The following ZEB2 variants were observed in gnomAD, a reference collection of about 807,000 sequenced individuals.
The protein encoded by ZEB2 is zinc finger E-box binding homeobox 2.
ZEB2 carries 6 observed loss-of-function variants against 99.9 expected under a neutral mutation model. That is an observed-to-expected ratio of 0.06 (90% CI 0.03 to 0.12). ZEB2 has a LOEUF of 0.12. Ranked by LOEUF, ZEB2 falls within the 10% of genes least tolerant of loss-of-function variation. The pLI, the probability that ZEB2 is intolerant of heterozygous loss-of-function variation, is 1.00. For synonymous variants in ZEB2, 517 were observed against 542.5 expected (o/e 0.95, Z 0.65); for missense variants, 969 against 1,502.8 (o/e 0.64, Z 5.87).
chr2:144,398,854 G>A lies in ZEB2; in HGVS notation c.2333C>T (p.Ser778Phe). The change falls in exon 8 of 10, where the codon TCC becomes TTC. Residue 778 changes from serine (S) to phenylalanine (F), a missense_variant. Ser to Phe is a radical substitution (Grantham distance 155). Around this residue, in one of 8 missense-constraint regions of ZEB2, gnomAD observed 346 missense variants for 460.0 expected, o/e 0.75. Transcript: ENST00000627532. ...TAAGGGAGAAGGAGTATTACTCCTG[G>A]AGTGGTCCAATTTTTCAACTGGTTT... is the stretch of plus-strand genomic sequence containing the variant. ...NIKPVEKLDHSRSNTPSPLNL... is the reference protein window; with the variant it reads ...NIKPVEKLDHFRSNTPSPLNL... 1 of 1,614,166 alleles carries A rather than the reference G, an allele frequency of 6.2e-7. No homozygotes were observed.
At chr2:144,406,443 C>T (rs564354179) in intron 4 of ZEB2, among the ~76,000 whole-genome samples, 2 of 152,222 alleles carry the variant, frequency 1.3e-5, no homozygotes, top group East Asian at 3.9e-4. Flanking sequence ...AAAAGTAACA[C>T]AGGAACCTGA....
rs755233964 is a variant in ZEB2 at position 144,398,887 on chromosome 2, G to A, written c.2300C>T (p.Thr767Ile). ...PLRLTKPSHFTNIKPVEKLDH... is the reference protein window; with the variant it reads ...PLRLTKPSHFINIKPVEKLDH... ...CAATTTTTCAACTGGTTTAATATTG[G>A]TAAAATGGGAAGGTTTTGTTAGCCT... Residue 767 changes from threonine (T) to isoleucine (I), a missense_variant, in exon 8 of 10, where the codon ACC (threonine) becomes ATC (isoleucine). Thr to Ile is a moderately conservative substitution (Grantham distance 89). Around this residue, in one of 8 missense-constraint regions of ZEB2, gnomAD observed 346 missense variants for 460.0 expected, o/e 0.75. Coordinates refer to ENST00000627532, the MANE Select transcript of ZEB2 (RefSeq NM_014795.4). 7.5e-5 allele frequency: 121 copies of A among 1,614,038 alleles called. No homozygotes were observed. The highest frequency in any genetic ancestry group is 1.0e-4 in the Non-Finnish European group (120 of 1,180,032).
chr2:144,462,899 A>G (rs929036354), intron 2 of ZEB2: 2 of 152,196 alleles, frequency 1.3e-5, no homozygotes, highest in African/African-American at 4.8e-5. Context: ...GCCTGCCAGG[A>G]CCAAGATCAG....
intron 2 of ZEB2, among the ~76,000 whole-genome samples, chr2:144,490,710 G>A (rs1704665487): frequency 6.6e-6 from 1 of 152,076 alleles, no homozygotes; most frequent in East Asian, 1.9e-4. Flanking sequence ...GCTATGGAAA[G>A]GAAAAAATGA....
rs184073552 is a variant in ZEB2, at chr2:144,457,196, C to T, written c.74-27170G>A. ...ATACCTGGATTTATGCATTAATCCACTGACAGCAGAGCCCGTTAATAGACA... is the reference window on the plus strand; with the variant it reads ...ATACCTGGATTTATGCATTAATCCATTGACAGCAGAGCCCGTTAATAGACA... On this transcript the variant is annotated intron_variant, in intron 2 of 9. Transcript: ENST00000627532. Among the ~76,000 whole-genome samples the T allele has an allele frequency of 6.6e-5, 10 of 152,256 alleles. No individual in the cohort carries two copies. The East Asian group carries it at 1.4e-3, about 21-fold the overall frequency.
intron 2 of ZEB2, among the ~76,000 whole-genome samples, chr2:144,472,554 A>T (rs12624246): frequency 6.6e-6 from 1 of 152,092 alleles, no homozygotes; most frequent in East Asian, 1.9e-4. Flanking sequence ...CTTATTACTC[A>T]TCACAACAAT....
intron 2 of ZEB2, among the ~76,000 whole-genome samples, chr2:144,515,270 A>C (rs1312772694): frequency 6.6e-6 from 1 of 152,214 alleles, no homozygotes; most frequent in Non-Finnish European, 1.5e-5. Context: ...TTTGTTATCC[A>C]GTTGATCAGC....
chr2:144,421,171 C>T (rs991774400), intron 4 of ZEB2, among the ~76,000 whole-genome samples: 1 of 152,136 alleles, frequency 6.6e-6, no homozygotes, highest in Non-Finnish European at 1.5e-5. Flanking sequence ...CCCATTCACT[C>T]GCTCATTTCT....
At chr2:144,401,651 A>G (rs1703312242) in intron 6 of ZEB2, among the ~76,000 whole-genome samples, 1 of 152,244 alleles carries the variant, frequency 6.6e-6, no homozygotes, top group African/African-American at 2.4e-5. Flanking sequence ...AAATATGAAC[A>G]TTCTCTGCTA....
At chr2:144,518,111 TTTAC>T (rs1705195128) in intron 1 of ZEB2, 1 of 131,208 alleles carries the variant, frequency 7.6e-6, no homozygotes, top group Non-Finnish European at 1.5e-5. Context: ...TTTGACAATA[TTTAC>T]TTAAGTATTT....
chr2:144,441,164 C>CGAGAGA (rs113731061), intron 2 of ZEB2, among the ~76,000 whole-genome samples: 9,098 of 88,816 alleles, frequency 0.1, 868 homozygotes, highest in East Asian at 0.16. Flanking sequence ...TTTAGCTGCA[C>CGAGAGA]GAGAGAGAGA....
intron 2 of ZEB2, chr2:144,504,288 G>T (rs1704922495): frequency 1.3e-5 from 2 of 152,232 alleles, no homozygotes; most frequent in South Asian, 4.2e-4. Context: ...GAGCCCTAGT[G>T]GTAAGAATTA....
Position 144,389,113 on chromosome 2 carries a change from G to A in ZEB2, c.*338C>T. ...AATGTATTAATATAAATTAGACATAGTTTTTTAAAGTTTGTAGTGATACAT... is the reference window on the plus strand; with the variant it reads ...AATGTATTAATATAAATTAGACATAATTTTTTAAAGTTTGTAGTGATACAT... On this transcript the variant is annotated 3_prime_UTR_variant, in exon 10 of 10. Transcript: ENST00000627532. The surrounding 1 kb of genome is among the most constrained non-coding windows in gnomAD (Gnocchi z 6.8). The A allele has an allele frequency of 1.8e-6, 1 of 545,430 alleles. No homozygotes were observed. The highest frequency in any genetic ancestry group is 3.2e-6 in the Non-Finnish European group (1 of 312,298). The allele number at this position is 545,430 out of a possible 1,614,324, so 33.8% of individuals were successfully genotyped here.
At chr2:144,500,208 A>G (rs1445020887) in intron 2 of ZEB2, among the ~76,000 whole-genome samples, 1 of 152,112 alleles carries the variant, frequency 6.6e-6, no homozygotes. Flanking sequence ...ATTCTGTACC[A>G]CCTGTTTTGG....
intron 2 of ZEB2, among the ~76,000 whole-genome samples, chr2:144,440,515 ATTTTTTTTTTTTTTTTTTTTT>A (rs201944188): frequency 9.4e-4 from 31 of 32,832 alleles, no homozygotes; most frequent in South Asian, 3.6e-3. Flanking sequence ...ATATATATAT[ATTTTTTTTTTTTTTTTTTTTT>A]TTTTTTAACT....
chr2:144,410,645 G>A (rs905448495), intron 4 of ZEB2, among the ~76,000 whole-genome samples: 2 of 151,970 alleles, frequency 1.3e-5, no homozygotes, highest in African/African-American at 4.8e-5. Context: ...ATCATTTTCT[G>A]TTTCCCTTTG....
intron 6 of ZEB2, among the ~76,000 whole-genome samples, chr2:144,402,528 A>G (rs1381318840): frequency 6.6e-6 from 1 of 152,210 alleles, no homozygotes; most frequent in Non-Finnish European, 1.5e-5. Context: ...CCCTCAGAGG[A>G]CTACTATAAA....
intron 4 of ZEB2, among the ~76,000 whole-genome samples, chr2:144,406,182 T>C (rs1020805288): frequency 6.6e-6 from 1 of 152,188 alleles, no homozygotes; most frequent in Admixed American, 6.5e-5. Context: ...TTTTTTTGCT[T>C]TCATGATTAT....
At chr2:144,501,430 T>A (rs752366732) in intron 2 of ZEB2, among the ~76,000 whole-genome samples, 1 of 152,228 alleles carries the variant, frequency 6.6e-6, no homozygotes, top group Non-Finnish European at 1.5e-5. Context: ...TCTCCTGCTT[T>A]GCTTCTTTTT....
Sources: gnomAD v4.1 joint callset for allele counts (sites outside exome capture counted in the v4.1 genomes callset) on GRCh38, gnomAD v4.1.1 for gene constraint, gnomAD v4.1.1 regional missense constraint, Gnocchi (gnomAD v3.1) non-coding constraint, MANE v1.5 for transcripts, NCBI Gene and HGNC (gene_info 2026-07-23, HGNC 2026-07-21) for gene names.